The following ZNF410 variants were observed in gnomAD, a reference collection of about 807,000 sequenced individuals.
ZNF410 encodes the protein another partner for ARF 1.
ZNF410 carries 18 observed loss-of-function variants against 54.8 expected under a neutral mutation model. The observed-to-expected ratio is 0.33, with a 90% CI of 0.23 to 0.49. The LOEUF (loss-of-function observed/expected upper bound fraction) is 0.49. Ranked by LOEUF, ZNF410 falls within the 20% of genes least tolerant of loss-of-function variation. ZNF410 has a pLI of 0.99. For synonymous variants in ZNF410, 191 were observed against 207.3 expected, an observed-to-expected ratio of 0.92 and a Z score of 0.68; for missense variants, 405 against 569.6, an observed-to-expected ratio of 0.71 and a Z score of 2.94.
intron 2 of ZNF410, among the ~76,000 whole-genome samples, chr14:73,892,751 T>G (rs1368814939): frequency 6.6e-6 from 1 of 152,150 alleles, no homozygotes; most frequent in Non-Finnish European, 1.5e-5. Flanking sequence ...CTTAGACAAG[T>G]CACTTAATGT....
intron 10 of ZNF410, 146 bp downstream of exon 10, chr14:73,922,352 T>A: frequency 1.2e-6 from 1 of 827,526 alleles, no homozygotes; most frequent in South Asian, 4.9e-5. Flanking sequence ...TTCTCTGGGG[T>A]GGATTAGTCA....
rs140322808 is a variant in ZNF410 at position 73,898,697 on chromosome 14, G to A, written c.580+435G>A. Among the ~76,000 whole-genome samples, 4 of 152,312 alleles carry A rather than the reference G, an allele frequency of 2.6e-5. No individual in the cohort carries two copies. The East Asian group carries it at 5.8e-4, about 22-fold the overall frequency. On this transcript the variant is annotated intron_variant, in intron 5 of 11. Transcript: ENST00000555044. ...ATAAAAATAACATTAAGTCATTGTG[G>A]CAGAGGATTATGTTTTGCTGAAACT...
At chr14:73,905,968 CATATATATAT>C (rs375039083) in intron 7 of ZNF410, among the ~76,000 whole-genome samples, 2 of 78,944 alleles carry the variant, frequency 2.5e-5, no homozygotes, top group Non-Finnish European at 6.0e-5. Context: ...CACACACACA[CATATATATAT>C]ATATATATAT....
chr14:73,926,139 A>G (rs893625559), intron 11 of ZNF410, among the ~76,000 whole-genome samples: 3 of 152,192 alleles, frequency 2.0e-5, no homozygotes, highest in Non-Finnish European at 4.4e-5. Flanking sequence ...AATTGTAGGC[A>G]TGTCATTTCT....
intron 5 of ZNF410, among the ~76,000 whole-genome samples, chr14:73,901,219 A>G (rs1349146930): frequency 1.3e-5 from 2 of 152,220 alleles, no homozygotes; most frequent in Non-Finnish European, 2.9e-5. Flanking sequence ...ATAGGCATCC[A>G]CATTACTTAC....
intron 11 of ZNF410, among the ~76,000 whole-genome samples, chr14:73,923,991 C>T (rs1378943983): frequency 6.6e-6 from 1 of 152,010 alleles, no homozygotes; most frequent in Non-Finnish European, 1.5e-5. Context: ...TGGAAAAAGT[C>T]CCTCAGCAAA....
chr14:73,890,357 T>C (rs1353226617), intron 1 of ZNF410, among the ~76,000 whole-genome samples: 1 of 151,926 alleles, frequency 6.6e-6, no homozygotes, highest in African/African-American at 2.4e-5. Flanking sequence ...CCGGCTAATT[T>C]TTGTATTTTT....
Position 73,922,114 on chromosome 14 carries a change from G to A in ZNF410, c.1178G>A (p.Ser393Asn), listed in dbSNP as rs751537758. 1.2e-6 allele frequency: 2 copies of A among 1,614,126 alleles called. No individual in the cohort carries two copies. Among genetic ancestry groups the A allele is most frequent in the Non-Finnish European group, 1.7e-6 (2 of 1,180,026 alleles). The change falls in exon 10 of 12, where the codon AGT (serine) becomes AAT (asparagine). Residue 393 changes from serine (S) to asparagine (N), a missense_variant. Physicochemically the swap from Ser to Asn is conservative, Grantham distance 46. This residue lies in a region of ZNF410 where 127 missense variants were observed against 141.3 expected (regional missense o/e 0.90). Coordinates refer to ENST00000555044, the MANE Select transcript of ZNF410 (RefSeq NM_021188.3). Reference protein sequence around the residue: ...SSLLEEASVPSKNLVSMNSQP... With the variant: ...SSLLEEASVPNKNLVSMNSQP... ...TTGCTTGAAGAGGCTTCAGTACCCAGTAAAAACCTGGTGTCTATGAATTCC... is the reference window on the plus strand; with the variant it reads ...TTGCTTGAAGAGGCTTCAGTACCCAATAAAAACCTGGTGTCTATGAATTCC...
intron 8 of ZNF410, among the ~76,000 whole-genome samples, chr14:73,910,391 A>G (rs1229048443): frequency 6.6e-6 from 1 of 152,192 alleles, no homozygotes; most frequent in African/African-American, 2.4e-5. Flanking sequence ...GGCTGGCTAT[A>G]AAGTTATACA....
At chr14:73,893,649 A>G (rs529553749) in intron 2 of ZNF410, 148 bp from the exon 3 acceptor site, 2 of 902,578 alleles carry the variant, frequency 2.2e-6, no homozygotes, top group South Asian at 6.2e-5. Flanking sequence ...GAACTTGATA[A>G]AATAACTTTA....
chr14:73,931,122 TCTC>T (rs1227664801), intron 11 of ZNF410, among the ~76,000 whole-genome samples: 17 of 152,140 alleles, frequency 1.1e-4, no homozygotes, highest in Non-Finnish European at 2.2e-4. Context: ...CCTATTTCCT[TCTC>T]CTACTTGAGC....
intron 8 of ZNF410, among the ~76,000 whole-genome samples, chr14:73,917,540 C>T (rs944365305): frequency 2.0e-5 from 3 of 151,884 alleles, no homozygotes; most frequent in South Asian, 4.2e-4. Context: ...GTGTGCAGTC[C>T]GGCCGGGCAT....
chr14:73,919,037 T>G lies in ZNF410; in HGVS notation c.1004-1943T>G, dbSNP rs1594763439. Among the ~76,000 whole-genome samples, 4 of 109,940 alleles carry G rather than the reference T, an allele frequency of 3.6e-5. No individual in the cohort carries two copies. The Admixed American group carries it at 4.7e-4, about 13-fold the overall frequency. 72.1% of individuals were successfully genotyped at this position (109,940 alleles called of 152,430 possible). A position where few individuals can be genotyped will look rare whatever the true frequency, so the allele number is the denominator to read the frequency against. On this transcript the variant is annotated intron_variant, in intron 8 of 11. Coordinates refer to ENST00000555044, the MANE Select transcript of ZNF410 (RefSeq NM_021188.3). ...TTTTTTTTTTTTTTTTGACAGAGTCTCACTCTGGCTCAGGCTAGAGTGCAG... is the reference window on the plus strand; with the variant it reads ...TTTTTTTTTTTTTTTTGACAGAGTCGCACTCTGGCTCAGGCTAGAGTGCAG...
At chr14:73,903,869 A>G in intron 5 of ZNF410, 91 bp from the exon 6 acceptor site, 1 of 1,487,844 alleles carries the variant, frequency 6.7e-7, no homozygotes, top group Non-Finnish European at 9.1e-7. Context: ...ATTAATGATC[A>G]CTAGGAGTAA....
chr14:73,888,971 G>T (rs1047307112), intron 1 of ZNF410, among the ~76,000 whole-genome samples: 1 of 152,098 alleles, frequency 6.6e-6, no homozygotes, highest in Non-Finnish European at 1.5e-5. Context: ...GAAAATGCTC[G>T]TGTTAATTTT....
At chr14:73,891,859 T>G in intron 1 of ZNF410, 168 bp from the exon 2 acceptor site, 1 of 589,832 alleles carries the variant, frequency 1.7e-6, no homozygotes, top group South Asian at 2.1e-5. Context: ...TTTTTATGGG[T>G]TTTGATGCCT....
At chr14:73,925,393 C>T (rs1331625133) in intron 11 of ZNF410, among the ~76,000 whole-genome samples, 2 of 151,296 alleles carry the variant, frequency 1.3e-5, no homozygotes, top group Non-Finnish European at 2.9e-5. Flanking sequence ...GTCGAAGTTA[C>T]GGCTGAGAGC....
chr14:73,906,773 C>A (rs1399789877), intron 7 of ZNF410, among the ~76,000 whole-genome samples: 2 of 152,206 alleles, frequency 1.3e-5, no homozygotes, highest in African/African-American at 4.8e-5. Context: ...ACCACCACGC[C>A]CAGACTTAAA....
chr14:73,918,102 G>T (rs2140319651), intron 8 of ZNF410, among the ~76,000 whole-genome samples: 1 of 151,976 alleles, frequency 6.6e-6, no homozygotes, highest in South Asian at 2.1e-4. Flanking sequence ...TTGCTATATT[G>T]TTATTTTTTA....
Sources: gnomAD v4.1 joint callset for allele counts (sites outside exome capture counted in the v4.1 genomes callset) on GRCh38, gnomAD v4.1.1 for gene constraint, gnomAD v4.1.1 regional missense constraint, MANE v1.5 for transcripts, NCBI Gene and HGNC (gene_info 2026-07-23, HGNC 2026-07-21) for gene names.